Variants in TMTC2 observed in about 807,000 individuals in gnomAD.
The protein encoded by TMTC2 is transmembrane O-mannosyltransferase targeting cadherins 2.
A neutral mutation model predicts 82.4 loss-of-function variants in TMTC2; 43 were observed. The ratio of observed to expected loss-of-function variants is 0.52; its 90% confidence interval spans 0.41 to 0.67. TMTC2 has a LOEUF of 0.67. TMTC2 is among the 30% of genes least tolerant of loss of function. The probability of loss-of-function intolerance (pLI) is 0.00; values close to 1 mark genes in which losing one functional copy is unlikely to be tolerated. For synonymous variants in TMTC2, 408 were observed against 381.9 expected, an observed-to-expected ratio of 1.07 and a Z score of -0.80; for missense variants, 919 against 1,012.4, an observed-to-expected ratio of 0.91 and a Z score of 1.25.
At chr12:82,914,814 CTTATT>C (rs1874902471) in intron 3 of TMTC2, among the ~76,000 whole-genome samples, 1 of 140,332 alleles carries the variant, frequency 7.1e-6, no homozygotes, top group South Asian at 2.2e-4. Flanking sequence ...TTACAACTCA[CTTATT>C]TTTTTTTTTT....
At chr12:82,709,344 A>C (rs1222906488) in intron 1 of TMTC2, among the ~76,000 whole-genome samples, 1 of 152,218 alleles carries the variant, frequency 6.6e-6, no homozygotes, top group African/African-American at 2.4e-5. Context: ...GCTTTTCAAA[A>C]TCTGTAGCTG....
chr12:82,837,687 A>G (rs1362376640), intron 1 of TMTC2, among the ~76,000 whole-genome samples: 1 of 152,214 alleles, frequency 6.6e-6, no homozygotes, highest in African/African-American at 2.4e-5. Flanking sequence ...ACAGCTTTCC[A>G]GTATGTTGCA....
At chr12:82,714,942 T>C (rs576248102) in intron 1 of TMTC2, among the ~76,000 whole-genome samples, 8 of 152,178 alleles carry the variant, frequency 5.3e-5, no homozygotes, top group Non-Finnish European at 8.8e-5. Context: ...CTAGGTTTGC[T>C]AAAAATCAGC....
rs1883407256 is a variant in TMTC2, at chr12:83,079,925, T to A, written c.2331+18094T>A. ...TTTTATATAGTTCTTTAGGCTAAAA[T>A]TGAGAGAAATAGATTCCTTAGGCCT... On this transcript the variant is annotated intron_variant, in intron 11 of 11. Coordinates refer to ENST00000321196, the MANE Select transcript of TMTC2 (RefSeq NM_152588.3). Among the ~76,000 whole-genome samples the A allele has an allele frequency of 2.0e-5, 3 of 152,164 alleles. 1 individual carries two copies. The South Asian group carries it at 6.2e-4, about 32-fold the overall frequency.
intron 1 of TMTC2, chr12:82,760,471 T>TC (rs1287703851): frequency 6.7e-6 from 1 of 148,266 alleles, no homozygotes; most frequent in East Asian, 2.1e-4. Flanking sequence ...CCAGGGTTTT[T>TC]TTTTTTTTTT....
intron 2 of TMTC2, among the ~76,000 whole-genome samples, chr12:82,865,229 A>G (rs1871784362): frequency 6.6e-6 from 1 of 152,112 alleles, no homozygotes; most frequent in African/African-American, 2.4e-5. Context: ...TCCGATAAAG[A>G]GTCAAGACCC....
chr12:82,751,401 G>T (rs1175178955), intron 1 of TMTC2, among the ~76,000 whole-genome samples: 3 of 151,762 alleles, frequency 2.0e-5, no homozygotes, highest in Admixed American at 1.3e-4. Flanking sequence ...GTGGAGGGAC[G>T]GGGGAGGGAT....
chr12:82,814,010 G>T (rs1868551212), intron 1 of TMTC2, among the ~76,000 whole-genome samples: 1 of 152,070 alleles, frequency 6.6e-6, no homozygotes, highest in African/African-American at 2.4e-5. Flanking sequence ...ACAGGTGCTG[G>T]CATATTTACC....
At chr12:82,806,236 C>T (rs944046332) in intron 1 of TMTC2, among the ~76,000 whole-genome samples, 5 of 151,920 alleles carry the variant, frequency 3.3e-5, no homozygotes, top group Non-Finnish European at 5.9e-5. Flanking sequence ...TGTTTTCTGC[C>T]AACTCTGACA....
chr12:82,751,084 A>C (rs1233382460), intron 1 of TMTC2, among the ~76,000 whole-genome samples: 1 of 152,150 alleles, frequency 6.6e-6, no homozygotes, highest in Non-Finnish European at 1.5e-5. Context: ...GATGTGTTAA[A>C]CTAGGTTTCT....
At chr12:82,961,158 A>G (rs1172746499) in intron 4 of TMTC2, among the ~76,000 whole-genome samples, 1 of 151,216 alleles carries the variant, frequency 6.6e-6, no homozygotes, top group Non-Finnish European at 1.5e-5. Flanking sequence ...AAAATGCTCC[A>G]TATATTCTAA....
At chr12:82,969,712 T>C (rs1878366507) in intron 7 of TMTC2, among the ~76,000 whole-genome samples, 1 of 152,206 alleles carries the variant, frequency 6.6e-6, no homozygotes, top group South Asian at 2.1e-4. Flanking sequence ...TTCCATATTT[T>C]AAAACTATTC....
chr12:83,013,373 T>C (rs1880543629), intron 8 of TMTC2, among the ~76,000 whole-genome samples: 1 of 152,194 alleles, frequency 6.6e-6, no homozygotes, highest in Non-Finnish European at 1.5e-5. Flanking sequence ...GTGGCCCTTC[T>C]TTAGGCACAT....
chr12:83,032,154 G>T (rs895686834), intron 9 of TMTC2, among the ~76,000 whole-genome samples: 3 of 148,724 alleles, frequency 2.0e-5, no homozygotes, highest in African/African-American at 4.9e-5. Flanking sequence ...AAAATAGGAG[G>T]TTTTTTTTTC....
intron 2 of TMTC2, among the ~76,000 whole-genome samples, chr12:82,871,344 G>A (rs1406855752): frequency 2.7e-5 from 4 of 149,754 alleles, no homozygotes; most frequent in Admixed American, 6.6e-5. Flanking sequence ...GATCCAAGTA[G>A]TATTACAAAA....
chr12:83,014,730 CT>C (rs35994059), intron 8 of TMTC2, among the ~76,000 whole-genome samples: 123,245 of 151,234 alleles, frequency 0.81, 50,521 homozygotes, highest in South Asian at 0.93. Context: ...AAGAAGAGAA[CT>C]TTTTTTTTTT....
intron 1 of TMTC2, among the ~76,000 whole-genome samples, chr12:82,813,870 G>A (rs1414752403): frequency 2.6e-5 from 4 of 152,108 alleles, no homozygotes; most frequent in Non-Finnish European, 5.9e-5. Context: ...CTGGTAGAAA[G>A]TGGTAATCAA....
intron 3 of TMTC2, among the ~76,000 whole-genome samples, chr12:82,917,165 A>G (rs1171956692): frequency 2.6e-5 from 4 of 152,058 alleles, no homozygotes; most frequent in African/African-American, 7.3e-5. Context: ...ATGGAGTGGG[A>G]AGACAGTCTA....
intron 8 of TMTC2, among the ~76,000 whole-genome samples, chr12:83,006,191 C>G (rs1437654016): frequency 6.6e-6 from 1 of 152,130 alleles, no homozygotes; most frequent in African/African-American, 2.4e-5. Context: ...TCCTGTAGGT[C>G]GGCCATCCCA....
Sources: allele counts gnomAD v4.1 joint callset (sites outside exome capture counted in the v4.1 genomes callset), GRCh38; gene constraint gnomAD v4.1.1; transcripts MANE v1.5; gene names NCBI Gene and HGNC (gene_info 2026-07-23, HGNC 2026-07-21).